SOX5: variants seen among roughly 807,000 people sequenced by gnomAD.
The protein encoded by SOX5 is transcription factor SOX-5.
In SOX5, 9 loss-of-function variants were observed where a neutral mutation model predicts 92.0. The ratio of observed to expected loss-of-function variants is 0.10; its 90% CI spans 0.06 to 0.17. SOX5 has a LOEUF of 0.17. SOX5 is among the 10% of genes least tolerant of loss of function. The probability of loss-of-function intolerance (pLI) is 1.00; values close to 1 mark genes in which losing one functional copy is unlikely to be tolerated. For synonymous variants in SOX5, 344 were observed against 336.3 expected (o/e 1.02, Z -0.25); for missense variants, 642 against 944.5 (o/e 0.68, Z 4.20).
intron 1 of SOX5, among the ~76,000 whole-genome samples, chr12:24,536,429 T>C (rs903450482): frequency 2.6e-5 from 4 of 152,178 alleles, no homozygotes; most frequent in Admixed American, 1.3e-4. Context: ...CAAAGACTTG[T>C]AGGGTTTTGA....
At chr12:24,180,744 T>A (rs998677671) in intron 4 of SOX5, among the ~76,000 whole-genome samples, 3 of 152,252 alleles carry the variant, frequency 2.0e-5, no homozygotes, top group Admixed American at 2.0e-4. Flanking sequence ...ACAAAATATA[T>A]TCAAAATTAT....
intron 1 of SOX5, among the ~76,000 whole-genome samples, chr12:24,442,367 C>A (rs1471540060): frequency 1.3e-5 from 2 of 152,082 alleles, no homozygotes; most frequent in Non-Finnish European, 2.9e-5. Flanking sequence ...ACAGAACATG[C>A]AAAACTCCCT....
At chr12:23,842,059 A>G (rs994144589) in intron 3 of SOX5, among the ~76,000 whole-genome samples, 4 of 152,162 alleles carry the variant, frequency 2.6e-5, no homozygotes, top group Non-Finnish European at 4.4e-5. Flanking sequence ...ACATGAAACA[A>G]TTTCACTGAA....
chr12:24,138,601 G>A (rs1219188102), intron 4 of SOX5, among the ~76,000 whole-genome samples: 1 of 152,098 alleles, frequency 6.6e-6, no homozygotes, highest in Non-Finnish European at 1.5e-5. Flanking sequence ...GTTGGTGGGG[G>A]ATGGGTATGG....
At chr12:24,307,150 A>G (rs1948658346) in intron 2 of SOX5, among the ~76,000 whole-genome samples, 1 of 152,138 alleles carries the variant, frequency 6.6e-6, no homozygotes, top group Admixed American at 6.5e-5. Context: ...CTTAACTAAC[A>G]TATTAAGTAC....
intron 2 of SOX5, among the ~76,000 whole-genome samples, chr12:24,328,151 T>C (rs1950925656): frequency 6.6e-6 from 1 of 152,234 alleles, no homozygotes; most frequent in South Asian, 2.1e-4. Flanking sequence ...ATTTAGACTA[T>C]ATTATTTGTT....
intron 6 of SOX5, among the ~76,000 whole-genome samples, chr12:23,671,679 T>C (rs1003647829): frequency 6.6e-6 from 1 of 152,146 alleles, no homozygotes; most frequent in Admixed American, 6.6e-5. Context: ...TAGGAAAAAT[T>C]AAAAATAAAG....
chr12:23,762,071 A>G (rs1295619056), intron 3 of SOX5, among the ~76,000 whole-genome samples: 1 of 152,156 alleles, frequency 6.6e-6, no homozygotes, highest in Admixed American at 6.6e-5. Flanking sequence ...ATAGCTGCAT[A>G]TCTACACAAT....
At chr12:24,374,909 G>C (rs1957097654) in intron 1 of SOX5, among the ~76,000 whole-genome samples, 1 of 152,200 alleles carries the variant, frequency 6.6e-6, no homozygotes, top group African/African-American at 2.4e-5. Context: ...AATTAAAAGA[G>C]GCATCATTGT....
chr12:23,740,936 C>T lies in SOX5; in HGVS notation c.672G>A (p.Lys224=). The change falls in exon 5 of 15, where the codon AAG becomes AAA. Residue 224 remains lysine (K), a synonymous_variant. Coordinates refer to ENST00000451604, the MANE Select transcript of SOX5 (RefSeq NM_006940.6). Reference sequence around the variant, plus strand: ...TCTCAATCTGAGAGGCAGCTAGTTTCTTCTGCTCATCGTGGGCAGCCAACA... The same window carrying T: ...TCTCAATCTGAGAGGCAGCTAGTTTTTTCTGCTCATCGTGGGCAGCCAACA... ...EQLLAAHDEQ[K]KLAASQIEKQ... is the part of the protein sequence containing the mutation. The T allele has an allele frequency of 6.2e-7, 1 of 1,613,368 alleles. No homozygotes were observed. Among genetic ancestry groups the T allele is most frequent in the Non-Finnish European group, 8.5e-7 (1 of 1,179,502 alleles).
At chr12:24,187,773 G>GA (rs1240080060) in intron 4 of SOX5, among the ~76,000 whole-genome samples, 3 of 151,768 alleles carry the variant, frequency 2.0e-5, no homozygotes, top group African/African-American at 4.8e-5. Context: ...TCTGACATGA[G>GA]AAAAAAAATC....
chr12:24,251,249 T>G (rs1939970881), intron 3 of SOX5, among the ~76,000 whole-genome samples: 1 of 152,182 alleles, frequency 6.6e-6, no homozygotes, highest in Non-Finnish European at 1.5e-5. Flanking sequence ...CCTAATCATT[T>G]ATAGACTTGA....
At chr12:24,006,269 G>A (rs991897505) in intron 4 of SOX5, among the ~76,000 whole-genome samples, 4 of 152,144 alleles carry the variant, frequency 2.6e-5, no homozygotes, top group African/African-American at 9.7e-5. Flanking sequence ...ATCTTTTAAT[G>A]TACTATCTCA....
At chr12:23,685,637 C>G (rs187115773) in intron 6 of SOX5, among the ~76,000 whole-genome samples, 57 of 149,364 alleles carry the variant, frequency 3.8e-4, no homozygotes, top group Non-Finnish European at 7.0e-4. Context: ...GTCCCCCCCC[C>G]CAAAAATCTA....
intron 1 of SOX5, among the ~76,000 whole-genome samples, chr12:23,936,480 CT>C (rs1320631901): frequency 1.3e-5 from 2 of 150,786 alleles, no homozygotes; most frequent in Non-Finnish European, 1.5e-5. Context: ...ACTACTGTAG[CT>C]TTTAAAAAAG....
rs188846236 is a variant in SOX5, at chr12:24,359,515, T to C, written c.-174+9048A>G. 5.3e-5 allele frequency among the ~76,000 whole-genome samples: 8 copies of C among 152,346 alleles called. No individual in the cohort carries two copies. The East Asian group carries it at 1.5e-3, about 29-fold the overall frequency. ...CAAGGGGCACTAAAGAAAATGGGCA[T>C]GGAGGAAGAAGTTGTTCTTCTTGCT... On this transcript the variant is annotated intron_variant, in intron 2 of 4. Transcript: ENST00000446891.
rs376550773 is a variant in SOX5 at position 23,704,687 on chromosome 12, CATATATATATATATAT to C, written c.810+29981_810+29996del. 1.6e-3 allele frequency among the ~76,000 whole-genome samples: 142 copies of C among 90,134 alleles called. 5 individuals are homozygous for C. Among genetic ancestry groups the C allele is most frequent in the Admixed American group, 3.3e-3 (26 of 7,802 alleles). 59.1% of individuals were successfully genotyped at this position (90,134 alleles called of 152,430 possible). ...TTAGTTCTGGGCATATATATGCATG[CATATATATATATATAT>C]ATATATATATATACACACACACACA... On this transcript the variant is annotated intron_variant, in intron 6 of 14. Coordinates refer to ENST00000451604, the MANE Select transcript of SOX5 (RefSeq NM_006940.6).
intron 10 of SOX5, among the ~76,000 whole-genome samples, chr12:23,570,109 C>A (rs980999746): frequency 2.6e-5 from 4 of 152,132 alleles, no homozygotes; most frequent in Non-Finnish European, 5.9e-5. Context: ...ATTAGTGCCA[C>A]ACAAATCTTA....
intron 6 of SOX5, among the ~76,000 whole-genome samples, chr12:23,728,232 C>T (rs2093242134): frequency 6.6e-6 from 1 of 152,110 alleles, no homozygotes; most frequent in African/African-American, 2.4e-5. Flanking sequence ...ATCTGAATGC[C>T]AGGAAATTGT....
Sources: allele counts gnomAD v4.1 joint callset (sites outside exome capture counted in the v4.1 genomes callset), GRCh38; gene constraint gnomAD v4.1.1; transcripts MANE v1.5; gene names NCBI Gene and HGNC (gene_info 2026-07-23, HGNC 2026-07-21).